The following ZSWIM6 variants were observed in gnomAD, a reference collection of about 807,000 sequenced individuals.
ZSWIM6 encodes the protein zinc finger SWIM-type containing 6, also known as zinc finger SWIM domain-containing protein 6.
A neutral mutation model predicts 113.2 loss-of-function variants in ZSWIM6; 9 were observed. The ratio of observed to expected loss-of-function variants is 0.08; its 90% CI spans 0.05 to 0.14. ZSWIM6 has a LOEUF of 0.14. Among genes scored for constraint, ZSWIM6 ranks in the 10% least tolerant of loss-of-function variants. ZSWIM6 has a pLI of 1.00. For missense variants in ZSWIM6, 1,162 were observed against 1,552.2 expected, an observed-to-expected ratio of 0.75 and a Z score of 4.22; for synonymous variants, 611 against 606.5, an observed-to-expected ratio of 1.01 and a Z score of -0.11.
At chr5:61,371,447 T>C (rs1240976695) in intron 1 of ZSWIM6, among the ~76,000 whole-genome samples, 2 of 152,256 alleles carry the variant, frequency 1.3e-5, no homozygotes, top group Admixed American at 6.5e-5. Context: ...TTTCTTTACC[T>C]AAATTGCTTT....
At chr5:61,396,323 A>G (rs950566886) in intron 1 of ZSWIM6, among the ~76,000 whole-genome samples, 6 of 152,030 alleles carry the variant, frequency 3.9e-5, no homozygotes, top group African/African-American at 1.2e-4. Context: ...CACAAGGTCA[A>G]GAGATCGAGA....
chr5:61,454,444 T>C (rs1189187835), intron 1 of ZSWIM6, among the ~76,000 whole-genome samples: 3 of 151,742 alleles, frequency 2.0e-5, no homozygotes, highest in Admixed American at 6.6e-5. Flanking sequence ...TTTGTAGAGA[T>C]GGGGTCTCCT....
intron 1 of ZSWIM6, among the ~76,000 whole-genome samples, chr5:61,426,251 A>G (rs1193799461): frequency 6.6e-6 from 1 of 152,238 alleles, no homozygotes; most frequent in Non-Finnish European, 1.5e-5. Context: ...CTGAGTTGTG[A>G]TACATATAAA....
chr5:61,517,308 C>A (rs545265793), intron 4 of ZSWIM6, among the ~76,000 whole-genome samples: 4 of 152,062 alleles, frequency 2.6e-5, no homozygotes, highest in Non-Finnish European at 5.9e-5. Context: ...AGGCTCGGCT[C>A]ATTTATGCCT....
chr5:61,535,486 G>A lies in ZSWIM6; in HGVS notation c.2248G>A (p.Gly750Arg). Residue 750 changes from glycine (G) to arginine (R), a missense_variant and splice_region_variant, in exon 10 of 14, where the codon GGA becomes AGA. Transcript: ENST00000252744. ...ATGTGTATGCTCTCTTCCCACAGCC[G>A]GACCATATAGTGGTTTAGGTGAAAT... ...RKQAVFLLEA[G>R]PYSGLGEIIH... 6.4e-7 allele frequency: 1 copy of A among 1,551,148 alleles called. No homozygotes were observed. The highest frequency in any genetic ancestry group is 8.7e-7 in the Non-Finnish European group (1 of 1,146,644).
chr5:61,400,066 C>T (rs1393654805), intron 1 of ZSWIM6, among the ~76,000 whole-genome samples: 6 of 152,122 alleles, frequency 3.9e-5, no homozygotes. Flanking sequence ...GACAGGTCGC[C>T]ATTACATCTC....
chr5:61,357,620 G>T (rs1744942320), intron 1 of ZSWIM6, among the ~76,000 whole-genome samples: 1 of 151,678 alleles, frequency 6.6e-6, no homozygotes, highest in Non-Finnish European at 1.5e-5. Context: ...GCTCACTTGA[G>T]ATATAGAGCT....
intron 1 of ZSWIM6, among the ~76,000 whole-genome samples, chr5:61,405,111 T>G (rs759586898): frequency 2.6e-5 from 4 of 152,234 alleles, no homozygotes; most frequent in Non-Finnish European, 5.9e-5. Flanking sequence ...TTAACTGTAA[T>G]TATCCTGTTG....
chr5:61,478,483 T>C (rs889746958), intron 2 of ZSWIM6, among the ~76,000 whole-genome samples: 1 of 152,164 alleles, frequency 6.6e-6, no homozygotes, highest in Non-Finnish European at 1.5e-5. Flanking sequence ...TTAAAATAAA[T>C]AATTCAGAAA....
rs902701417 is a variant in ZSWIM6, at chr5:61,482,894, A to G, written c.1034-7892A>G. 5.8e-5 allele frequency among the ~76,000 whole-genome samples: 8 copies of G among 136,760 alleles called. 1 individual carries two copies. The highest frequency in any genetic ancestry group is 2.9e-4 in the Admixed American group (4 of 13,970). The allele number at this position is 136,760 out of a possible 152,430, so 89.7% of individuals were successfully genotyped here. ...TAATCCATCCTCTCAACTGGTATGT[A>G]GACTTTGGGCCATTTTTTTTTTTCT... is the stretch of plus-strand genomic sequence containing the variant. On this transcript the variant is annotated intron_variant, in intron 2 of 13. Coordinates refer to ENST00000252744, the MANE Select transcript of ZSWIM6 (RefSeq NM_020928.2).
At chr5:61,509,464 T>C (rs1398039479) in intron 4 of ZSWIM6, among the ~76,000 whole-genome samples, 2 of 151,892 alleles carry the variant, frequency 1.3e-5, no homozygotes, top group African/African-American at 4.8e-5. Flanking sequence ...ATAGAGAAAA[T>C]GTTCAGTAAC....
intron 4 of ZSWIM6, among the ~76,000 whole-genome samples, chr5:61,516,098 G>GT (rs1186149639): frequency 6.6e-6 from 1 of 151,434 alleles, no homozygotes; most frequent in Non-Finnish European, 1.5e-5. Flanking sequence ...TTTGGGTCTT[G>GT]TTTTTTAGCC....
At chr5:61,460,443 G>C (rs1747299789) in intron 1 of ZSWIM6, among the ~76,000 whole-genome samples, 1 of 152,098 alleles carries the variant, frequency 6.6e-6, no homozygotes, top group Non-Finnish European at 1.5e-5. Flanking sequence ...TTCAAAAGGT[G>C]GTGAAACTTA....
intron 1 of ZSWIM6, among the ~76,000 whole-genome samples, chr5:61,380,712 A>C (rs893113861): frequency 4.6e-5 from 7 of 152,180 alleles, no homozygotes; most frequent in African/African-American, 1.2e-4. Flanking sequence ...ACTGTTATGC[A>C]CTGGCCATTA....
chr5:61,490,183 A>T (rs1401883187), intron 2 of ZSWIM6, among the ~76,000 whole-genome samples: 1 of 152,056 alleles, frequency 6.6e-6, no homozygotes, highest in Non-Finnish European at 1.5e-5. Context: ...CTTTGTGTGT[A>T]CTTCAGCAAT....
Position 61,391,086 on chromosome 5 carries a change from C to T in ZSWIM6, c.676+58138C>T, listed in dbSNP as rs988673519. On this transcript the variant is annotated intron_variant, in intron 1 of 13. Transcript: ENST00000252744. ...GCCAAATGCATGCCACAGGTAAGGC[C>T]ACAGGGGCAGGATGCTGTGTCCCAG... 7 of 740,070 alleles carry T rather than the reference C, an allele frequency of 9.5e-6. No homozygotes were observed. The African/African-American group carries it at 1.2e-4, about 13-fold the overall frequency. 45.8% of individuals were successfully genotyped at this position (740,070 alleles called of 1,614,324 possible). A position where few individuals can be genotyped will look rare whatever the true frequency, so the allele number is the denominator to read the frequency against.
intron 1 of ZSWIM6, among the ~76,000 whole-genome samples, chr5:61,379,522 G>A (rs1328461235): frequency 2.0e-5 from 3 of 152,122 alleles, no homozygotes; most frequent in Non-Finnish European, 4.4e-5. Flanking sequence ...TGGACGACTA[G>A]TTTTGAGTTG....
chr5:61,378,209 T>A (rs1745409234), intron 1 of ZSWIM6, among the ~76,000 whole-genome samples: 1 of 152,226 alleles, frequency 6.6e-6, no homozygotes, highest in South Asian at 2.1e-4. Flanking sequence ...TGAGGCATCA[T>A]TTATAGTAGC....
At chr5:61,374,679 G>A (rs988572666) in intron 1 of ZSWIM6, among the ~76,000 whole-genome samples, 1 of 151,974 alleles carries the variant, frequency 6.6e-6, no homozygotes, top group Non-Finnish European at 1.5e-5. Context: ...TCAGCCTCCC[G>A]AGTAGCTGGG....
Sources: allele counts gnomAD v4.1 joint callset (sites outside exome capture counted in the v4.1 genomes callset), GRCh38; gene constraint gnomAD v4.1.1; transcripts MANE v1.5; gene names NCBI Gene and HGNC (gene_info 2026-07-23, HGNC 2026-07-21).